The following SMIM3 variants were observed in gnomAD, a reference collection of about 807,000 sequenced individuals.
SMIM3 encodes the protein small integral membrane protein 3.
SMIM3 carries 4 observed loss-of-function variants against 2.1 expected under a neutral mutation model. The ratio of observed to expected loss-of-function variants is 1.89; its 90% CI spans 0.93 to 4.31. SMIM3 has a LOEUF of 4.31. SMIM3 is among the 30% of genes most tolerant of loss of function. The probability of loss-of-function intolerance (pLI) is 0.01; values close to 1 mark genes in which losing one functional copy is unlikely to be tolerated. For missense variants in SMIM3, 79 were observed against 77.7 expected, an observed-to-expected ratio of 1.02 and a Z score of -0.06; for synonymous variants, 29 against 30.8, an observed-to-expected ratio of 0.94 and a Z score of 0.19.
chr5:150,779,147 C>CCCT lies in SMIM3; in HGVS notation c.-12+179_-12+181dup, dbSNP rs529278005. ...CACTTTTGTATTTCTTGCCCTCACC[C>CCCT]CCTCCTTTTTCTCCTGCTGTCAGCT... On this transcript the variant is annotated intron_variant, in intron 1 of 1. Coordinates refer to ENST00000526627, the MANE Select transcript of SMIM3 (RefSeq NM_032947.5). Among the ~76,000 whole-genome samples the CCCT allele has an allele frequency of 9.8e-5, 15 of 152,316 alleles. No individual in the cohort carries two copies. In the East Asian group the frequency reaches 2.1e-3, roughly 22 times the overall value.
At position 150,778,840 on chromosome 5, in the gene SMIM3, G is replaced by A. The variant is rs1371695050; in HGVS notation, c.-144G>A. The A allele has an allele frequency of 2.1e-6, 1 of 479,598 alleles. No individual in the cohort carries two copies. The highest frequency in any genetic ancestry group is 2.0e-5 in the African/African-American group (1 of 50,538). The allele number at this position is 479,598 out of a possible 1,614,324, so 29.7% of individuals were successfully genotyped here. ...TCGGAGGAGCCGGGGCACGTTCCAG[G>A]AGCTGCCTAGGGCTGAGGTTCCAGG... is the stretch of plus-strand genomic sequence containing the variant. On this transcript the variant is annotated 5_prime_UTR_variant, in exon 1 of 2. Transcript: ENST00000526627.
intron 1 of SMIM3, among the ~76,000 whole-genome samples, chr5:150,780,675 C>T (rs1338537196): frequency 2.0e-5 from 3 of 152,108 alleles, no homozygotes; most frequent in African/African-American, 7.2e-5. Flanking sequence ...TTGGGGGTGA[C>T]AGACCAAGGG....
intron 1 of SMIM3, among the ~76,000 whole-genome samples, chr5:150,786,610 T>C (rs1753296275): frequency 6.6e-6 from 1 of 152,170 alleles, no homozygotes; most frequent in African/African-American, 2.4e-5. Flanking sequence ...TTTAAAAAAA[T>C]CTGTTTATTC....
intron 1 of SMIM3, among the ~76,000 whole-genome samples, chr5:150,781,369 T>C (rs185416849): frequency 6.6e-6 from 1 of 152,274 alleles, no homozygotes; most frequent in African/African-American, 2.4e-5. Context: ...CCTCAAGAGA[T>C]AATGGAGACA....
At chr5:150,783,272 C>T (rs954289230) in intron 1 of SMIM3, among the ~76,000 whole-genome samples, 16 of 152,324 alleles carry the variant, frequency 1.1e-4, no homozygotes, top group African/African-American at 3.8e-4. Context: ...ACTTGAATTG[C>T]CCTCTCTGGC....
intron 1 of SMIM3, among the ~76,000 whole-genome samples, chr5:150,781,378 C>T (rs1753231347): frequency 6.6e-6 from 1 of 152,180 alleles, no homozygotes; most frequent in Admixed American, 6.5e-5. Flanking sequence ...ATAATGGAGA[C>T]ATCTAGCAGT....
intron 1 of SMIM3, among the ~76,000 whole-genome samples, chr5:150,789,231 C>T (rs1344908889): frequency 6.6e-6 from 1 of 152,188 alleles, no homozygotes; most frequent in East Asian, 1.9e-4. Context: ...TTTATGCACT[C>T]ATGACAGAGA....
chr5:150,779,829 A>ATGGGGGGC, intron 1 of SMIM3, among the ~76,000 whole-genome samples: 1 of 111,120 alleles, frequency 9.0e-6, no homozygotes, highest in Non-Finnish European at 1.9e-5. Flanking sequence ...GAAAGGTGTA[A>ATGGGGGGC]CCCCCCCCGC....
At chr5:150,786,765 C>T (rs1256833153) in intron 1 of SMIM3, among the ~76,000 whole-genome samples, 1 of 151,804 alleles carries the variant, frequency 6.6e-6, no homozygotes, top group Non-Finnish European at 1.5e-5. Context: ...TTTCTATTGT[C>T]TGTTGTTTCT....
intron 1 of SMIM3, among the ~76,000 whole-genome samples, chr5:150,791,866 T>C (rs942944975): frequency 6.6e-6 from 1 of 152,238 alleles, no homozygotes; most frequent in Admixed American, 6.5e-5. Flanking sequence ...ATTAAGTAAA[T>C]TAATATTTGT....
At position 150,795,412 on chromosome 5, in the gene SMIM3, C is replaced by G; in HGVS notation, c.-11-18C>G. On this transcript the variant is annotated intron_variant, in intron 1 of 1. Coordinates refer to ENST00000526627, the MANE Select transcript of SMIM3 (RefSeq NM_032947.5). ...GAGAGAGTACGCAACAGTGATCTTC[C>G]TTTCTTGTCTGTTGCAGAGTGAAGC... The G allele has an allele frequency of 6.2e-7, 1 of 1,613,468 alleles. No individual in the cohort carries two copies. Among genetic ancestry groups the G allele is most frequent in the Non-Finnish European group, 8.5e-7 (1 of 1,179,464 alleles).
chr5:150,788,360 G>C (rs1241465533), intron 1 of SMIM3, among the ~76,000 whole-genome samples: 1 of 152,078 alleles, frequency 6.6e-6, no homozygotes, highest in Non-Finnish European at 1.5e-5. Context: ...CTTTGGAAAA[G>C]TAAAATTTGA....
chr5:150,785,584 T>TC (rs1444528907), intron 1 of SMIM3, among the ~76,000 whole-genome samples: 63 of 105,900 alleles, frequency 5.9e-4, no homozygotes, highest in African/African-American at 2.6e-3. Flanking sequence ...TCTTTTCTTT[T>TC]TTTTTTTTTT....
intron 1 of SMIM3, among the ~76,000 whole-genome samples, chr5:150,786,161 CT>C (rs1473602882): frequency 1.7e-4 from 26 of 152,120 alleles, no homozygotes; most frequent in African/African-American, 6.3e-4. Context: ...GTATTTTCCC[CT>C]GATCTTTTTT....
chr5:150,788,550 C>G (rs1430022647), intron 1 of SMIM3, among the ~76,000 whole-genome samples: 1 of 148,408 alleles, frequency 6.7e-6, no homozygotes, highest in Non-Finnish European at 1.5e-5. Flanking sequence ...CACAGGTTTG[C>G]TTGAACCTGG....
At chr5:150,793,686 G>A (rs111887671) in intron 1 of SMIM3, among the ~76,000 whole-genome samples, 1,867 of 152,262 alleles carry the variant, frequency 0.012, 45 homozygotes, top group African/African-American at 0.043. Context: ...ATGGATTAAG[G>A]ACTTAACTCT....
At chr5:150,794,340 G>A (rs1226029574) in intron 1 of SMIM3, among the ~76,000 whole-genome samples, 1 of 152,026 alleles carries the variant, frequency 6.6e-6, no homozygotes, top group Non-Finnish European at 1.5e-5. Context: ...CCCAGAGGAA[G>A]TCATTATTCG....
chr5:150,792,411 G>C lies in SMIM3; in HGVS notation c.-11-3019G>C, dbSNP rs567663229. ...GTGCTGCAGGATGTTTAAGATTTTT[G>C]ACAGAAGTAGTGATATTTGACAACA... On this transcript the variant is annotated intron_variant, in intron 1 of 1. Coordinates refer to ENST00000526627, the MANE Select transcript of SMIM3 (RefSeq NM_032947.5). 2.0e-5 allele frequency among the ~76,000 whole-genome samples: 3 copies of C among 152,268 alleles called. No homozygotes were observed. In the South Asian group the frequency reaches 6.2e-4, roughly 32 times the overall value.
At chr5:150,787,389 G>A (rs1184076390) in intron 1 of SMIM3, among the ~76,000 whole-genome samples, 2 of 152,216 alleles carry the variant, frequency 1.3e-5, no homozygotes, top group Non-Finnish European at 1.5e-5. Flanking sequence ...AGAATCGGAA[G>A]TCCTGATCTT....
Sources: gnomAD v4.1 joint callset for allele counts (sites outside exome capture counted in the v4.1 genomes callset) on GRCh38, gnomAD v4.1.1 for gene constraint, MANE v1.5 for transcripts, NCBI Gene and HGNC (gene_info 2026-07-23, HGNC 2026-07-21) for gene names.